The following TOM1L1 variants were observed in gnomAD, a reference collection of about 807,000 sequenced individuals.
The protein encoded by TOM1L1 is TOM1-like protein 1.
A neutral mutation model predicts 63.4 loss-of-function variants in TOM1L1; 64 were observed. The observed-to-expected ratio is 1.01, with a 90% CI of 0.83 to 1.24. TOM1L1 has a LOEUF of 1.24. Among genes scored for constraint, TOM1L1 ranks in the 50% most tolerant of loss-of-function variants. The pLI, the probability that TOM1L1 is intolerant of heterozygous loss-of-function variation, is 0.00. For synonymous variants in TOM1L1, 166 were observed against 194.4 expected (o/e 0.85, Z 1.22); for missense variants, 536 against 567.0 (o/e 0.95, Z 0.55).
At chr17:54,925,922 A>AAC (rs55864025) in intron 7 of TOM1L1, among the ~76,000 whole-genome samples, 18 of 132,244 alleles carry the variant, frequency 1.4e-4, no homozygotes, top group South Asian at 2.4e-4. Context: ...ACAACAACAA[A>AAC]AAAAAAAGCA....
chr17:54,949,055 CAG>C (rs1028764901), intron 12 of TOM1L1, among the ~76,000 whole-genome samples: 68 of 152,072 alleles, frequency 4.5e-4, no homozygotes, highest in African/African-American at 1.5e-3. Context: ...GTTTTTGAGA[CAG>C]GGTCTCATTC....
At chr17:54,955,719 T>A (rs1017235452) in intron 14 of TOM1L1, among the ~76,000 whole-genome samples, 4 of 152,144 alleles carry the variant, frequency 2.6e-5, no homozygotes, top group African/African-American at 9.6e-5. Context: ...GGAACTTCTT[T>A]TTCTCAACAA....
chr17:54,901,275 C>A lies in TOM1L1; in HGVS notation c.58+352C>A, dbSNP rs1851304499. The A allele has an allele frequency of 2.9e-5, 10 of 347,554 alleles. No homozygotes were observed. The South Asian group carries it at 3.4e-4, about 12-fold the overall frequency. 21.5% of individuals were successfully genotyped at this position (347,554 alleles called of 1,614,324 possible). A position where few individuals can be genotyped will look rare whatever the true frequency, so the allele number is the denominator to read the frequency against. ...GGGAAGTTATTCCTAAAGGCACATT[C>A]TCCAGGGCACGGTATTGTTATGCCC... On this transcript the variant is annotated intron_variant, in intron 1 of 15. Coordinates refer to ENST00000575882, the MANE Select transcript of TOM1L1 (RefSeq NM_005486.3).
intron 14 of TOM1L1, chr17:54,959,282 A>G (rs774062039): frequency 2.0e-5 from 3 of 152,156 alleles, no homozygotes; most frequent in Non-Finnish European, 4.4e-5. Flanking sequence ...GCTTTCAGGT[A>G]TATTTTCCAG....
In TOM1L1 at chr17:54,900,920, A is replaced by G. The variant is rs1425461438; in HGVS notation, c.55A>G (p.Ile19Val). The change falls in exon 1 of 16, where the codon ATA becomes GTA. Residue 19 changes from isoleucine to valine, a missense_variant. Ile to Val is a conservative substitution (Grantham distance 29). Transcript: ENST00000575882. ...DPYATSVGHL[I>V]EKATFAGVQT... is the part of the protein sequence containing the mutation. ...CTACGCGACCTCCGTGGGCCACCTC[A>G]TAGGTAAGGAGGCGCGGGGAGAGAC... 1.9e-6 allele frequency: 3 copies of G among 1,613,634 alleles called. No individual in the cohort carries two copies. Among genetic ancestry groups the G allele is most frequent in the Non-Finnish European group, 2.5e-6 (3 of 1,179,780 alleles).
chr17:54,907,135 G>C (rs2143740540), intron 3 of TOM1L1, among the ~76,000 whole-genome samples: 1 of 149,300 alleles, frequency 6.7e-6, no homozygotes, highest in East Asian at 1.9e-4. Flanking sequence ...TAGTTTTAGA[G>C]GCATTTTCCC....
At chr17:54,941,128 T>C (rs2049026619) in intron 11 of TOM1L1, among the ~76,000 whole-genome samples, 1 of 152,212 alleles carries the variant, frequency 6.6e-6, no homozygotes. Context: ...TGAATTTCTT[T>C]CTCCGTTATT....
intron 11 of TOM1L1, among the ~76,000 whole-genome samples, chr17:54,939,569 C>T (rs552274877): frequency 2.8e-4 from 43 of 152,016 alleles, no homozygotes; most frequent in African/African-American, 5.3e-4. Context: ...CTTAGGTCAG[C>T]GATGTTAGGT....
chr17:54,905,305 T>G (rs1022724500), intron 2 of TOM1L1, among the ~76,000 whole-genome samples, 184 bp from the exon 3 acceptor site: 2 of 152,218 alleles, frequency 1.3e-5, no homozygotes, highest in Non-Finnish European at 2.9e-5. Context: ...ATTGTCTGCC[T>G]GTATGCGTGA....
intron 14 of TOM1L1, among the ~76,000 whole-genome samples, chr17:54,959,724 C>A (rs1449668448): frequency 2.0e-5 from 3 of 151,130 alleles, no homozygotes; most frequent in Non-Finnish European, 4.4e-5. Context: ...CTCCAGTGAT[C>A]CTCCGACCTC....
intron 7 of TOM1L1, among the ~76,000 whole-genome samples, chr17:54,924,150 G>A (rs904322198): frequency 1.3e-5 from 2 of 152,008 alleles, no homozygotes; most frequent in Admixed American, 6.6e-5. Context: ...TCCGTGGCAC[G>A]TGCTTGCTAA....
rs58407367 is a variant in TOM1L1 at position 54,949,203 on chromosome 17, A to ATTTTTTTTTTTTT, written c.1183-311_1183-299dup. 1.0e-3 allele frequency among the ~76,000 whole-genome samples: 122 copies of ATTTTTTTTTTTTT among 122,262 alleles called. 4 individuals are homozygous for ATTTTTTTTTTTTT. The highest frequency in any genetic ancestry group is 2.1e-3 in the African/African-American group (67 of 31,466). The allele number at this position is 122,262 out of a possible 152,430, so 80.2% of individuals were successfully genotyped here. On this transcript the variant is annotated intron_variant, in intron 12 of 15. Transcript: ENST00000575882. ...CAGGTGTGAGCCACCATGCCCAGCTATTTTTTTTTTTTTTTTGTAGAGTTG... is the reference window on the plus strand; with the variant it reads ...CAGGTGTGAGCCACCATGCCCAGCTATTTTTTTTTTTTTTTTTTTTTTTTTTTTTGTAGAGTTG...
At chr17:54,960,534 A>C in intron 14 of TOM1L1, 32 bp from the exon 15 acceptor site, 6 of 1,587,838 alleles carry the variant, frequency 3.8e-6, no homozygotes, top group African/African-American at 1.3e-5. Context: ...AAATTGATAC[A>C]TAACCCTTTT....
At chr17:54,948,813 T>C (rs1325284380) in intron 12 of TOM1L1, among the ~76,000 whole-genome samples, 2 of 152,376 alleles carry the variant, frequency 1.3e-5, no homozygotes, top group East Asian at 3.9e-4. Context: ...AAGATTCTAA[T>C]ATTTTATCAA....
chr17:54,920,912 A>G (rs1252681896), intron 7 of TOM1L1, among the ~76,000 whole-genome samples: 1 of 152,090 alleles, frequency 6.6e-6, no homozygotes, highest in Admixed American at 6.6e-5. Context: ...TAGATTTCTC[A>G]GGAAAATTAT....
At chr17:54,905,770 G>A (rs924016362) in intron 3 of TOM1L1, among the ~76,000 whole-genome samples, 3 of 152,270 alleles carry the variant, frequency 2.0e-5, no homozygotes, top group African/African-American at 7.2e-5. Flanking sequence ...GCATTTAATA[G>A]CATTTAATTT....
intron 3 of TOM1L1, chr17:54,906,642 G>A (rs1275354751): frequency 2.2e-6 from 1 of 465,060 alleles, no homozygotes; most frequent in East Asian, 1.5e-4. Context: ...AAGTTCTGCT[G>A]CCTGGCGTGA....
Position 54,950,121 on chromosome 17 carries a change from TAC to T in TOM1L1, c.1367_1368del (p.Thr456ArgfsTer5). The T allele has an allele frequency of 1.2e-6, 2 of 1,609,708 alleles. No homozygotes were observed. Among genetic ancestry groups the T allele is most frequent in the Non-Finnish European group, 1.7e-6 (2 of 1,176,348 alleles). On this transcript the variant is annotated frameshift_variant, in exon 14 of 16. Transcript: ENST00000575882. LOFTEE classifies it high-confidence loss of function. ...EFDPLAPAVT[T>X]EAIYEEIDAH... ...TTGATCCCTTAGCTCCTGCTGTCAC[TAC>T]AGAGTAAGTCATTTACAAAATGATT...
intron 11 of TOM1L1, among the ~76,000 whole-genome samples, chr17:54,946,989 G>A (rs1188624829): frequency 1.3e-5 from 2 of 152,116 alleles, no homozygotes; most frequent in African/African-American, 2.4e-5. Context: ...TTTAAGAAAC[G>A]ATGGGGTGGT....
Sources: allele counts gnomAD v4.1 joint callset (sites outside exome capture counted in the v4.1 genomes callset), GRCh38; gene constraint gnomAD v4.1.1; transcripts MANE v1.5; gene names NCBI Gene and HGNC (gene_info 2026-07-23, HGNC 2026-07-21).